The following CCDC191 variants were observed in gnomAD, a reference collection of about 807,000 sequenced individuals.
The protein encoded by CCDC191 is coiled-coil domain containing 191.
Under a neutral mutation model 114.0 loss-of-function variants are expected in CCDC191, and 99 were observed. The observed-to-expected ratio is 0.87, with a 90% CI of 0.74 to 1.03. CCDC191 has a LOEUF of 1.03. CCDC191 is among the 50% of genes least tolerant of loss of function. CCDC191 has a pLI of 0.00. For synonymous variants in CCDC191, 351 were observed against 376.0 expected (o/e 0.93, Z 0.77); for missense variants, 973 against 1,087.0 (o/e 0.90, Z 1.47).
At chr3:114,046,567 G>A (rs566236836) in intron 3 of CCDC191, 24 bp downstream of exon 3, 4 of 1,333,596 alleles carry the variant, frequency 3.0e-6, no homozygotes, top group Admixed American at 1.7e-5. Flanking sequence ...TGTTAACATC[G>A]CAGCAGAAAA....
intron 9 of CCDC191, 73 bp from the exon 10 acceptor site, chr3:114,006,035 C>T: frequency 7.4e-7 from 1 of 1,356,544 alleles, no homozygotes; most frequent in Non-Finnish European, 1.0e-6. Flanking sequence ...TTTATGAGGT[C>T]AGTATTGTTT....
At chr3:114,037,375 T>G (rs1254912466) in intron 4 of CCDC191, among the ~76,000 whole-genome samples, 1 of 152,178 alleles carries the variant, frequency 6.6e-6, no homozygotes, top group Non-Finnish European at 1.5e-5. Context: ...TTTCCAGAAT[T>G]TTATGTAAAT....
chr3:114,040,499 G>A (rs954722079), intron 4 of CCDC191, among the ~76,000 whole-genome samples: 3 of 151,488 alleles, frequency 2.0e-5, no homozygotes, highest in South Asian at 2.1e-4. Flanking sequence ...TGCACTTTTT[G>A]TTTCTAGTAA....
chr3:114,044,291 A>T (rs1053569186), intron 3 of CCDC191, among the ~76,000 whole-genome samples: 10 of 152,182 alleles, frequency 6.6e-5, no homozygotes, highest in Non-Finnish European at 1.5e-4. Context: ...TTGAGGTAGG[A>T]GGAAAATCAA....
intron 7 of CCDC191, among the ~76,000 whole-genome samples, chr3:114,026,228 G>A (rs1185535573): frequency 2.0e-5 from 3 of 152,302 alleles, no homozygotes; most frequent in South Asian, 4.2e-4. Context: ...TGTCACCTCT[G>A]TGAGAATGGG....
At chr3:114,015,336 G>A (rs893093495) in intron 8 of CCDC191, among the ~76,000 whole-genome samples, 4 of 152,134 alleles carry the variant, frequency 2.6e-5, no homozygotes, top group Non-Finnish European at 2.9e-5. Context: ...GCAGAGATGC[G>A]GCCCAGGAAA....
chr3:114,039,161 T>C (rs2076527811), intron 4 of CCDC191, among the ~76,000 whole-genome samples: 1 of 152,184 alleles, frequency 6.6e-6, no homozygotes, highest in Non-Finnish European at 1.5e-5. Context: ...TACTGGTTTA[T>C]GTATATACTA....
intron 16 of CCDC191, among the ~76,000 whole-genome samples, chr3:113,972,131 TCTTG>T (rs1164273306): frequency 6.6e-6 from 1 of 152,218 alleles, no homozygotes; most frequent in East Asian, 1.9e-4. Context: ...TTTGGTTTGT[TCTTG>T]CTTTTCTATA....
intron 12 of CCDC191, 151 bp from the exon 13 acceptor site, chr3:114,001,847 A>C: frequency 1.1e-6 from 1 of 886,364 alleles, no homozygotes; most frequent in Non-Finnish European, 1.7e-6. Context: ...AAACTCAATC[A>C]ACCTGTCATC....
chr3:114,031,627 T>C lies in CCDC191; in HGVS notation c.971A>G (p.Gln324Arg), dbSNP rs1267089247. 6 of 1,608,348 alleles carry C rather than the reference T, an allele frequency of 3.7e-6. No homozygotes were observed. Among genetic ancestry groups the C allele is most frequent in the South Asian group, 3.3e-5 (3 of 90,776 alleles). ...GTAAAGAGACATTGCAATTCCCACC[T>C]GTTGATTTTCTTTGAAAGTTTGGAT... is the stretch of plus-strand genomic sequence containing the variant. ...VLIQTFKENQ[Q>R]CQKRYFAAWH... The change falls in exon 7 of 17, where the codon CAG (glutamine) becomes CGG (arginine). Residue 324 changes from glutamine to arginine, a missense_variant and splice_region_variant. Coordinates refer to ENST00000295878, the MANE Select transcript of CCDC191 (RefSeq NM_020817.2).
chr3:113,994,699 T>C (rs150264971), intron 13 of CCDC191, among the ~76,000 whole-genome samples: 2 of 150,000 alleles, frequency 1.3e-5, no homozygotes, highest in African/African-American at 4.9e-5. Flanking sequence ...TCCTCCCACC[T>C]CAGCCTCCCA....
At chr3:114,056,302 G>C (rs1056354825) in intron 1 of CCDC191, 75 bp downstream of exon 1, 38 of 1,410,752 alleles carry the variant, frequency 2.7e-5, no homozygotes, top group African/African-American at 9.9e-5. Context: ...AAGCACAGAC[G>C]GGCCGCGACT....
chr3:113,995,037 G>C (rs1052469280), intron 13 of CCDC191, among the ~76,000 whole-genome samples: 1 of 152,196 alleles, frequency 6.6e-6, no homozygotes, highest in Non-Finnish European at 1.5e-5. Flanking sequence ...AAAAAGGACC[G>C]AGCTTTTGAC....
At chr3:113,979,159 T>C in intron 14 of CCDC191, 149 bp from the exon 15 acceptor site, 1 of 738,182 alleles carries the variant, frequency 1.4e-6, no homozygotes, top group East Asian at 2.7e-5. Flanking sequence ...TCCTAAAAGC[T>C]TTGACTGTTG....
chr3:113,968,176 T>A (rs1940407462), intron 16 of CCDC191, among the ~76,000 whole-genome samples: 1 of 152,172 alleles, frequency 6.6e-6, no homozygotes, highest in Non-Finnish European at 1.5e-5. Flanking sequence ...GATCATATGG[T>A]AGTTCTAATT....
chr3:114,033,937 T>C (rs1360445767), intron 6 of CCDC191, among the ~76,000 whole-genome samples: 2 of 152,194 alleles, frequency 1.3e-5, no homozygotes, highest in South Asian at 2.1e-4. Flanking sequence ...GATTATCTAA[T>C]AGGTCTTTGT....
intron 16 of CCDC191, among the ~76,000 whole-genome samples, chr3:113,969,975 C>CAGG (rs1419080169): frequency 2.0e-5 from 3 of 152,136 alleles, no homozygotes; most frequent in Non-Finnish European, 4.4e-5. Flanking sequence ...TCTTCCAGTG[C>CAGG]AGGAGCATGG....
In CCDC191 at chr3:114,017,283, A is replaced by G. The variant is rs569078102; in HGVS notation, c.1163+1395T>C. ...TCTACCTAGGAACATCCTATTGACC[A>G]TGAAAAGCTCAGATCAAGGCCCATC... is the stretch of plus-strand genomic sequence containing the variant. On this transcript the variant is annotated intron_variant, in intron 8 of 16. Coordinates refer to ENST00000295878, the MANE Select transcript of CCDC191 (RefSeq NM_020817.2). 8.5e-5 allele frequency among the ~76,000 whole-genome samples: 13 copies of G among 152,272 alleles called. No homozygotes were observed. The South Asian group carries it at 1.9e-3, about 22-fold the overall frequency.
chr3:114,010,662 C>T (rs1044623412), intron 9 of CCDC191, 110 bp downstream of exon 9: 53 of 1,032,134 alleles, frequency 5.1e-5, no homozygotes, highest in Non-Finnish European at 6.7e-5. Context: ...ATTGAGGCAG[C>T]TCTAATCTTC....
Sources: gnomAD v4.1 joint callset for allele counts (sites outside exome capture counted in the v4.1 genomes callset) on GRCh38, gnomAD v4.1.1 for gene constraint, MANE v1.5 for transcripts, NCBI Gene and HGNC (gene_info 2026-07-23, HGNC 2026-07-21) for gene names.